SBF2: variants seen among roughly 807,000 people sequenced by gnomAD.
SBF2 encodes the protein SET binding factor 2.
SBF2 carries 112 observed loss-of-function variants against 225.2 expected under a neutral mutation model. That is an observed-to-expected ratio of 0.50 (90% CI 0.43 to 0.58). The LOEUF is 0.58. Ranked by LOEUF, SBF2 falls within the 20% of genes least tolerant of loss-of-function variation. The pLI is 0.00. For synonymous variants in SBF2, 763 were observed against 773.3 expected (o/e 0.99, Z 0.22); for missense variants, 1,996 against 2,206.2 (o/e 0.90, Z 1.91).
intron 1 of SBF2, among the ~76,000 whole-genome samples, chr11:10,263,109 TATAG>T (rs898371077): frequency 1.2e-4 from 19 of 152,204 alleles, no homozygotes; most frequent in Admixed American, 1.1e-3. Flanking sequence ...ATCTCCTCCT[TATAG>T]ATACCTTCTT....
At chr11:10,055,357 C>T (rs1421068421) in intron 2 of SBF2, among the ~76,000 whole-genome samples, 2 of 151,980 alleles carry the variant, frequency 1.3e-5, no homozygotes, top group Non-Finnish European at 2.9e-5. Context: ...GTAGATCTAC[C>T]ATTTGATCCA....
At chr11:10,113,377 G>T (rs1199371939) in intron 2 of SBF2, among the ~76,000 whole-genome samples, 3 of 152,128 alleles carry the variant, frequency 2.0e-5, no homozygotes, top group African/African-American at 7.2e-5. Flanking sequence ...AATATCTGCA[G>T]AGAATAAATA....
chr11:10,019,554 A>T (rs1247442669), intron 6 of SBF2, among the ~76,000 whole-genome samples: 3 of 152,168 alleles, frequency 2.0e-5, no homozygotes, highest in Non-Finnish European at 4.4e-5. Flanking sequence ...ATTTTCTTTA[A>T]ATTTTTTTTT....
Position 10,028,516 on chromosome 11 carries a change from C to A in SBF2, c.555G>T (p.Gln185His). 1.2e-6 allele frequency: 2 copies of A among 1,613,742 alleles called. No homozygotes were observed. Among genetic ancestry groups the A allele is most frequent in the East Asian group, 2.2e-5 (1 of 44,862 alleles). ...TAGGAAGACTATCATGTAAAGGAGT[C>A]TGGATCAACTGTCTATCTCCTGCAC... is the stretch of plus-strand genomic sequence containing the variant. ...SLGAGDRQLI[Q>H]TPLHDSLPIT... Residue 185 changes from glutamine (Q) to histidine (H), a missense_variant, in exon 6 of 40, where the codon CAG becomes CAT. Physicochemically the swap from Gln to His is conservative, Grantham distance 24. Transcript: ENST00000256190.
intron 16 of SBF2, among the ~76,000 whole-genome samples, chr11:9,905,363 A>G (rs757220797): frequency 6.6e-6 from 1 of 152,236 alleles, no homozygotes; most frequent in Non-Finnish European, 1.5e-5. Flanking sequence ...TACAAAGCTG[A>G]AAGAACAGTA....
chr11:10,070,012 T>C (rs1057185416), intron 2 of SBF2, among the ~76,000 whole-genome samples: 4 of 152,240 alleles, frequency 2.6e-5, no homozygotes, highest in African/African-American at 9.6e-5. Context: ...GGGTTGTTTT[T>C]TTCTTGTAAA....
chr11:9,979,069 A>G (rs947169487), intron 13 of SBF2, among the ~76,000 whole-genome samples: 1 of 152,244 alleles, frequency 6.6e-6, no homozygotes, highest in South Asian at 2.1e-4. Flanking sequence ...GAGGCGATCC[A>G]GCCTTATAGT....
chr11:9,922,871 T>C (rs1362678907), intron 16 of SBF2, among the ~76,000 whole-genome samples: 1 of 152,230 alleles, frequency 6.6e-6, no homozygotes, highest in African/African-American at 2.4e-5. Context: ...ACTATGTGCT[T>C]AGAAGCTCCA....
chr11:9,967,359 G>C (rs1233310600), intron 14 of SBF2, among the ~76,000 whole-genome samples: 2 of 144,838 alleles, frequency 1.4e-5, no homozygotes, highest in South Asian at 4.5e-4. Context: ...GTGACAGAGC[G>C]AGACTCCGTC....
intron 3 of SBF2, among the ~76,000 whole-genome samples, chr11:10,033,672 AC>A (rs1949340838): frequency 6.6e-6 from 1 of 151,896 alleles, no homozygotes; most frequent in Non-Finnish European, 1.5e-5. Context: ...AAACACACAC[AC>A]ACACACACAC....
chr11:10,286,409 TCTCGG>T (rs57333285), intron 1 of SBF2, among the ~76,000 whole-genome samples: 72,821 of 148,988 alleles, frequency 0.49, 18,163 homozygotes, highest in Non-Finnish European at 0.54. Context: ...AGTTGTGCGA[TCTCGG>T]CTCACTGCGA....
At chr11:10,123,888 C>T (rs1953603889) in intron 2 of SBF2, among the ~76,000 whole-genome samples, 1 of 152,152 alleles carries the variant, frequency 6.6e-6, no homozygotes. Flanking sequence ...TACCTAACAA[C>T]AAGACTACTG....
At chr11:9,949,403 C>A (rs1405635210) in intron 16 of SBF2, among the ~76,000 whole-genome samples, 1 of 152,084 alleles carries the variant, frequency 6.6e-6, no homozygotes, top group Admixed American at 6.5e-5. Context: ...TAAAGGAATG[C>A]ATATAAAGTT....
chr11:10,212,179 GA>G (rs1957965121), intron 1 of SBF2, among the ~76,000 whole-genome samples: 1 of 152,162 alleles, frequency 6.6e-6, no homozygotes, highest in Non-Finnish European at 1.5e-5. Flanking sequence ...TCCACTTGTT[GA>G]ACATATTTAT....
chr11:10,020,688 CA>C (rs1387340065), intron 6 of SBF2, among the ~76,000 whole-genome samples: 12 of 152,114 alleles, frequency 7.9e-5, no homozygotes, highest in Non-Finnish European at 1.6e-4. Flanking sequence ...GGTTCACTGC[CA>C]GTAACATTAT....
At chr11:10,053,939 G>A (rs1269222693) in intron 2 of SBF2, among the ~76,000 whole-genome samples, 1 of 151,226 alleles carries the variant, frequency 6.6e-6, no homozygotes, top group East Asian at 1.9e-4. Flanking sequence ...AAAAAAAAAA[G>A]TTCAGAGAAA....
At chr11:10,248,822 G>A (rs948334691) in intron 1 of SBF2, among the ~76,000 whole-genome samples, 24 of 152,206 alleles carry the variant, frequency 1.6e-4, no homozygotes, top group South Asian at 4.1e-4. Flanking sequence ...TAGGCCGGGC[G>A]CGGAGGCTTA....
chr11:9,886,659 C>T (rs1033163772), intron 17 of SBF2, among the ~76,000 whole-genome samples: 22 of 150,616 alleles, frequency 1.5e-4, no homozygotes, highest in African/African-American at 4.9e-4. Flanking sequence ...GTTCCTTCTG[C>T]CTCCATTTCC....
At chr11:10,044,885 T>C (rs1001392827) in intron 2 of SBF2, among the ~76,000 whole-genome samples, 1 of 152,158 alleles carries the variant, frequency 6.6e-6, no homozygotes, top group Non-Finnish European at 1.5e-5. Context: ...CAGAAGTAAA[T>C]TGCCTTGCTG....
Sources: gnomAD v4.1 joint callset for allele counts (sites outside exome capture counted in the v4.1 genomes callset) on GRCh38, gnomAD v4.1.1 for gene constraint, MANE v1.5 for transcripts, NCBI Gene and HGNC (gene_info 2026-07-23, HGNC 2026-07-21) for gene names.